The following ATXN7L1 variants were observed in gnomAD, a reference collection of about 807,000 sequenced individuals.
ATXN7L1 encodes the protein ataxin 7 like 1.
In ATXN7L1, 15 loss-of-function variants were observed where a neutral mutation model predicts 70.8. The observed-to-expected ratio is 0.21, with a 90% CI of 0.14 to 0.33. The LOEUF is 0.33. Ranked by LOEUF, ATXN7L1 falls within the 10% of genes least tolerant of loss-of-function variation. The pLI, the probability that ATXN7L1 is intolerant of heterozygous loss-of-function variation, is 1.00. For missense variants in ATXN7L1, 975 were observed against 1,097.1 expected (o/e 0.89, Z 1.57); for synonymous variants, 440 against 445.1 (o/e 0.99, Z 0.14).
chr7:105,867,921 A>T (rs1817711370), intron 2 of ATXN7L1, among the ~76,000 whole-genome samples: 1 of 152,232 alleles, frequency 6.6e-6, no homozygotes, highest in Admixed American at 6.5e-5. Flanking sequence ...GCGGCTCAGC[A>T]TCCTGCCATA....
chr7:105,750,648 C>T (rs2116385207), intron 3 of ATXN7L1, among the ~76,000 whole-genome samples: 1 of 152,112 alleles, frequency 6.6e-6, no homozygotes, highest in East Asian at 1.9e-4. Context: ...CTAAAAAATA[C>T]AAAAATTAGC....
At chr7:105,685,699 C>T (rs958657525) in intron 3 of ATXN7L1, among the ~76,000 whole-genome samples, 1 of 152,102 alleles carries the variant, frequency 6.6e-6, no homozygotes, top group Non-Finnish European at 1.5e-5. Context: ...GATGAAGGGC[C>T]GTGAGAGTTA....
At position 105,753,036 on chromosome 7, in the gene ATXN7L1, T is replaced by C. The variant is rs1443531765; in HGVS notation, c.355+35568A>G. Among the ~76,000 whole-genome samples the C allele has an allele frequency of 2.0e-5, 3 of 152,236 alleles. No homozygotes were observed. In the East Asian group the frequency reaches 5.8e-4, roughly 29 times the overall value. ...TCTGTGACACAGACTAATTAAATGA[T>C]TGTAACACAGCCAAGTGGTCAGTGA... On this transcript the variant is annotated intron_variant, in intron 3 of 11. Coordinates refer to ENST00000419735, the MANE Select transcript of ATXN7L1 (RefSeq NM_020725.2).
intron 3 of ATXN7L1, among the ~76,000 whole-genome samples, chr7:105,670,417 T>C (rs1009610680): frequency 1.3e-5 from 2 of 152,216 alleles, no homozygotes; most frequent in Admixed American, 6.5e-5. Flanking sequence ...TATTTAATAC[T>C]TAAGCAATTT....
At chr7:105,671,100 G>GTCTCAAAAAAAAAAAAAAAAAAAA in intron 3 of ATXN7L1, among the ~76,000 whole-genome samples, 1 of 65,238 alleles carries the variant, frequency 1.5e-5, no homozygotes, top group Non-Finnish European at 2.7e-5. Context: ...GCGAGACTAC[G>GTCTCAAAAAAAAAAAAAAAAAAAA]TCTCAAAAAA....
At chr7:105,677,581 G>C (rs1804877473) in intron 3 of ATXN7L1, among the ~76,000 whole-genome samples, 1 of 152,208 alleles carries the variant, frequency 6.6e-6, no homozygotes, top group African/African-American at 2.4e-5. Context: ...TGGAATAAAT[G>C]GGTGTTGGGA....
chr7:105,870,056 C>T lies in ATXN7L1; in HGVS notation c.250+5756G>A, dbSNP rs1374708389. On this transcript the variant is annotated intron_variant, in intron 2 of 11. Coordinates refer to ENST00000419735, the MANE Select transcript of ATXN7L1 (RefSeq NM_020725.2). ...CAGCACTTTGGGAGGCCGAGGCGGG[C>T]GGATCACAAAGTTAGGAGATCGAGA... Among the ~76,000 whole-genome samples the T allele has an allele frequency of 4.6e-5, 7 of 152,090 alleles. No individual in the cohort carries two copies. In the East Asian group the frequency reaches 5.8e-4, roughly 13 times the overall value.
Position 105,625,960 on chromosome 7 carries a change from A to G in ATXN7L1, c.1203-1693T>C, listed in dbSNP as rs190311591. Among the ~76,000 whole-genome samples the G allele has an allele frequency of 9.6e-4, 147 of 152,340 alleles. 1 individual carries two copies. Among genetic ancestry groups the G allele is most frequent in the African/African-American group, 3.3e-3 (136 of 41,590 alleles). On this transcript the variant is annotated intron_variant, in intron 7 of 11. Coordinates refer to ENST00000419735, the MANE Select transcript of ATXN7L1 (RefSeq NM_020725.2). ...AATTGTTTTTCTGCTTTCTGCTTTG[A>G]AAGCTGCTCCTTCAAGTCTCATGAA...
intron 3 of ATXN7L1, among the ~76,000 whole-genome samples, chr7:105,757,156 C>G (rs765883504): frequency 1.3e-5 from 2 of 151,986 alleles, no homozygotes; most frequent in Non-Finnish European, 2.9e-5. Context: ...CATGCTCGCT[C>G]TCTATTCTTA....
chr7:105,677,006 T>C (rs1209839081), intron 3 of ATXN7L1, among the ~76,000 whole-genome samples: 1 of 152,256 alleles, frequency 6.6e-6, no homozygotes, highest in East Asian at 1.9e-4. Context: ...CCCTGGTGCC[T>C]TGAGCTAAGG....
chr7:105,622,971 G>A (rs1795152371), intron 8 of ATXN7L1, among the ~76,000 whole-genome samples: 1 of 151,938 alleles, frequency 6.6e-6, no homozygotes, highest in Admixed American at 6.6e-5. Flanking sequence ...AAGCTTGGGA[G>A]CACCTGCCTC....
intron 3 of ATXN7L1, among the ~76,000 whole-genome samples, chr7:105,679,629 C>T (rs1218269030): frequency 6.6e-6 from 1 of 152,082 alleles, no homozygotes; most frequent in African/African-American, 2.4e-5. Context: ...AAAGTTTGGT[C>T]CCTGATCTTG....
At chr7:105,642,200 C>T (rs1332858149) in intron 5 of ATXN7L1, among the ~76,000 whole-genome samples, 1 of 152,158 alleles carries the variant, frequency 6.6e-6, no homozygotes, top group Non-Finnish European at 1.5e-5. Context: ...TCTTCTGGCA[C>T]CCCAAGTGTC....
intron 3 of ATXN7L1, among the ~76,000 whole-genome samples, chr7:105,701,925 T>C (rs570480579): frequency 2.6e-5 from 4 of 152,350 alleles, no homozygotes; most frequent in African/African-American, 9.6e-5. Flanking sequence ...TAACGTCATG[T>C]TCTCTTCCCT....
At position 105,642,766 on chromosome 7, in the gene ATXN7L1, C is replaced by T; in HGVS notation, c.862+72G>A. The T allele has an allele frequency of 2.8e-6, 4 of 1,451,750 alleles. No individual in the cohort carries two copies. The South Asian group carries it at 4.2e-5, about 15-fold the overall frequency. The allele number at this position is 1,451,750 out of a possible 1,614,324, so 89.9% of individuals were successfully genotyped here. A position where few individuals can be genotyped will look rare whatever the true frequency, so the allele number is the denominator to read the frequency against. On this transcript the variant is annotated intron_variant, in intron 5 of 11. Transcript: ENST00000419735. ...GACCTGCTTAATGATAACAGCACAT[C>T]ACTCCTTCGTTATGGCTGCGACTCC...
intron 4 of ATXN7L1, among the ~76,000 whole-genome samples, chr7:105,656,859 C>T (rs777190967): frequency 3.3e-5 from 5 of 152,332 alleles, no homozygotes; most frequent in Admixed American, 6.5e-5. Flanking sequence ...TGAGCCACCA[C>T]GCCGGCCTCC....
intron 6 of ATXN7L1, among the ~76,000 whole-genome samples, chr7:105,639,160 C>CGCCGCT (rs965378321): frequency 3.9e-5 from 6 of 152,168 alleles, no homozygotes; most frequent in African/African-American, 9.7e-5. Flanking sequence ...CCGCCGCCGC[C>CGCCGCT]GCCGCTGCCG....
chr7:105,758,842 T>C (rs1265563287), intron 3 of ATXN7L1, among the ~76,000 whole-genome samples: 1 of 152,212 alleles, frequency 6.6e-6, no homozygotes, highest in African/African-American at 2.4e-5. Context: ...ACTCTGCTGA[T>C]GACACTCAAC....
At chr7:105,844,120 G>A (rs965136310) in intron 2 of ATXN7L1, among the ~76,000 whole-genome samples, 1 of 152,124 alleles carries the variant, frequency 6.6e-6, no homozygotes, top group South Asian at 2.1e-4. Context: ...GATCCAAGAA[G>A]GTGCATCCTG....
Sources: gnomAD v4.1 joint callset for allele counts (sites outside exome capture counted in the v4.1 genomes callset) on GRCh38, gnomAD v4.1.1 for gene constraint, MANE v1.5 for transcripts, NCBI Gene and HGNC (gene_info 2026-07-23, HGNC 2026-07-21) for gene names.